THSD4: variants seen among roughly 807,000 people sequenced by gnomAD.
THSD4 encodes thrombospondin type 1 domain containing 4.
In THSD4, 69 loss-of-function variants were observed where a neutral mutation model predicts 119.0. The observed-to-expected ratio is 0.58, with a 90% CI of 0.48 to 0.71. The LOEUF (loss-of-function observed/expected upper bound fraction) is 0.71. Among genes scored for constraint, THSD4 ranks in the 30% least tolerant of loss-of-function variants. THSD4 has a pLI of 0.00. For missense variants in THSD4, 1,393 were observed against 1,391.1 expected, an observed-to-expected ratio of 1.00 and a Z score of -0.02; for synonymous variants, 524 against 540.4, an observed-to-expected ratio of 0.97 and a Z score of 0.42.
In THSD4 at chr15:71,473,153, C is replaced by T. The variant is rs1214267469; in HGVS notation, c.1152+61330C>T. Among the ~76,000 whole-genome samples, 7 of 150,562 alleles carry T rather than the reference C, an allele frequency of 4.6e-5. No homozygotes were observed. The East Asian group carries it at 9.8e-4, about 21-fold the overall frequency. ...CTCACCGCAACCTCTGCCTTGCAGG[C>T]GCAAGCAAATCCTCCTGCCTCAGCC... On this transcript the variant is annotated intron_variant, in intron 7 of 17. Transcript: ENST00000261862.
intron 7 of THSD4, among the ~76,000 whole-genome samples, chr15:71,438,254 T>C (rs182006391): frequency 6.6e-6 from 1 of 152,338 alleles, no homozygotes; most frequent in East Asian, 1.9e-4. Flanking sequence ...AGGAGCTTTT[T>C]ATGCATTAAA....
intron 1 of THSD4, among the ~76,000 whole-genome samples, chr15:71,131,872 G>A (rs1247678031): frequency 2.0e-5 from 3 of 152,170 alleles, no homozygotes; most frequent in Admixed American, 2.0e-4. Context: ...AAGAACCCAG[G>A]TGGAATTCCA....
chr15:71,153,340 C>T (rs1201760785), intron 2 of THSD4, among the ~76,000 whole-genome samples: 4 of 152,180 alleles, frequency 2.6e-5, no homozygotes, highest in African/African-American at 4.8e-5. Context: ...AGGGATGGCG[C>T]GCACCCGCTT....
chr15:71,102,654 T>C (rs937757214), intron 1 of THSD4, among the ~76,000 whole-genome samples: 3 of 152,178 alleles, frequency 2.0e-5, no homozygotes, highest in Non-Finnish European at 4.4e-5. Context: ...AACCTCCACC[T>C]CCCGGATTTA....
chr15:71,517,383 T>A (rs1215180268), intron 7 of THSD4, among the ~76,000 whole-genome samples: 3 of 152,204 alleles, frequency 2.0e-5, no homozygotes, highest in African/African-American at 4.8e-5. Context: ...TTCCTCTTGC[T>A]TCACCTGTGT....
At chr15:71,172,645 A>ATAATGGCAAATAGG (rs1184260681) in intron 3 of THSD4, among the ~76,000 whole-genome samples, 4 of 139,898 alleles carry the variant, frequency 2.9e-5, no homozygotes, top group Non-Finnish European at 6.2e-5. Context: ...AGGCAAATAG[A>ATAATGGCAAATAGG]TAATGGAACA....
At chr15:71,293,249 T>G (rs892511435) in intron 6 of THSD4, among the ~76,000 whole-genome samples, 4 of 152,180 alleles carry the variant, frequency 2.6e-5, no homozygotes, top group African/African-American at 9.7e-5. Flanking sequence ...CTTTTTTTGT[T>G]GGAACCCTGC....
intron 3 of THSD4, among the ~76,000 whole-genome samples, chr15:71,200,648 C>G (rs1309153559): frequency 6.6e-6 from 1 of 152,098 alleles, no homozygotes; most frequent in Non-Finnish European, 1.5e-5. Flanking sequence ...CTTGCAGTAA[C>G]CAAATAGTTT....
intron 3 of THSD4, among the ~76,000 whole-genome samples, chr15:71,164,464 C>A (rs2043272810): frequency 2.0e-5 from 3 of 148,162 alleles, no homozygotes; most frequent in Non-Finnish European, 4.5e-5. Context: ...GATGAAAAAA[C>A]TACCATCCCC....
intron 3 of THSD4, among the ~76,000 whole-genome samples, chr15:71,213,569 C>T (rs1207214317): frequency 3.3e-5 from 5 of 152,146 alleles, no homozygotes; most frequent in African/African-American, 9.7e-5. Flanking sequence ...TGTGTTTTCC[C>T]TTGTCTTCTG....
At chr15:71,389,267 A>G (rs1332318487) in intron 6 of THSD4, among the ~76,000 whole-genome samples, 4 of 152,098 alleles carry the variant, frequency 2.6e-5, no homozygotes, top group Non-Finnish European at 5.9e-5. Flanking sequence ...CTCCATACCC[A>G]TTACACAGAA....
In THSD4 at chr15:71,332,891, C is replaced by CTTTTTTTTT. The variant is rs1184457820; in HGVS notation, c.1015+76176_1015+76177insTTTTTTTTT. On this transcript the variant is annotated intron_variant, in intron 6 of 17. Coordinates refer to ENST00000261862, the MANE Select transcript of THSD4 (RefSeq NM_024817.3). ...TTCTTAAAACATTGAGATTTTTTTA[C>CTTTTTTTTT]ATTTTTTTTTTTTTTTTAGTTCATC... 1.9e-3 allele frequency among the ~76,000 whole-genome samples: 72 copies of CTTTTTTTTT among 38,028 alleles called. 1 individual carries two copies. The highest frequency in any genetic ancestry group is 4.1e-3 in the African/African-American group (55 of 13,572). 24.9% of individuals were successfully genotyped at this position (38,028 alleles called of 152,430 possible).
intron 7 of THSD4, among the ~76,000 whole-genome samples, chr15:71,462,780 C>T (rs577336336): frequency 1.3e-5 from 2 of 152,334 alleles, no homozygotes; most frequent in South Asian, 2.1e-4. Context: ...AGTACAGTCT[C>T]CAAACTAACT....
At chr15:71,318,034 T>C (rs1327501520) in intron 6 of THSD4, among the ~76,000 whole-genome samples, 1 of 152,122 alleles carries the variant, frequency 6.6e-6, no homozygotes, top group Non-Finnish European at 1.5e-5. Flanking sequence ...AGGATGGTGC[T>C]TCTTGCCCAA....
Position 71,737,899 on chromosome 15 carries a change from C to G in THSD4, c.1798C>G (p.His600Asp). 6.2e-7 allele frequency: 1 copy of G among 1,614,264 alleles called. No homozygotes were observed. Among genetic ancestry groups the G allele is most frequent in the East Asian group, 2.2e-5 (1 of 44,884 alleles). The change falls in exon 11 of 18, where the codon CAT (histidine) becomes GAT (aspartate). Residue 600 changes from histidine (H) to aspartate (D), a missense_variant. By Grantham distance (81) the His-to-Asp change is moderately conservative (BLOSUM62 -1). Coordinates refer to ENST00000261862, the MANE Select transcript of THSD4 (RefSeq NM_024817.3). ...PVRHPDRFSPHRPDNLVPPAP... is the reference protein window; with the variant it reads ...PVRHPDRFSPDRPDNLVPPAP... ...CAGGCATCCAGACAGATTTTCTCCCCATCGACCGGACAACTTGGTGCCACC... is the reference window on the plus strand; with the variant it reads ...CAGGCATCCAGACAGATTTTCTCCCGATCGACCGGACAACTTGGTGCCACC...
At chr15:71,104,589 T>TA (rs2040266583) in intron 1 of THSD4, among the ~76,000 whole-genome samples, 1 of 152,196 alleles carries the variant, frequency 6.6e-6, no homozygotes, top group Admixed American at 6.5e-5. Context: ...ACAGTCTCAA[T>TA]AGGTCCTGAG....
chr15:71,391,335 G>A (rs997061115), intron 6 of THSD4, among the ~76,000 whole-genome samples: 6 of 152,090 alleles, frequency 3.9e-5, no homozygotes, highest in African/African-American at 1.4e-4. Context: ...GGCAACTCAT[G>A]CCGGCTAATT....
chr15:71,721,808 C>T (rs917140518), intron 8 of THSD4, among the ~76,000 whole-genome samples: 5 of 151,788 alleles, frequency 3.3e-5, no homozygotes, highest in Non-Finnish European at 7.4e-5. Flanking sequence ...AATATTTGCC[C>T]AGCACCAAGA....
rs1271524973 is a variant in THSD4 at position 71,215,062 on chromosome 15, GC to G, written c.132del (p.Glu45ArgfsTer29). On this transcript the variant is annotated frameshift_variant, in exon 4 of 18. Coordinates refer to ENST00000261862, the MANE Select transcript of THSD4 (RefSeq NM_024817.3). LOFTEE classifies it high-confidence loss of function. ...KVPQRMAAEG[A>X]PEDDGGGGAP... ...CCCGCAGCGGATGGCGGCGGAGGGCGCCCCCGAGGACGACGGCGGCGGCGGC... is the reference window on the plus strand; with the variant it reads ...CCCGCAGCGGATGGCGGCGGAGGGCGCCCCGAGGACGACGGCGGCGGCGGC... The G allele has an allele frequency of 4.6e-6, 6 of 1,293,364 alleles. No homozygotes were observed. Among genetic ancestry groups the G allele is most frequent in the Non-Finnish European group, 5.9e-6 (6 of 1,016,966 alleles). The allele number at this position is 1,293,364 out of a possible 1,614,324, so 80.1% of individuals were successfully genotyped here.
Sources: gnomAD v4.1 joint callset for allele counts (sites outside exome capture counted in the v4.1 genomes callset) on GRCh38, gnomAD v4.1.1 for gene constraint, MANE v1.5 for transcripts, NCBI Gene and HGNC (gene_info 2026-07-23, HGNC 2026-07-21) for gene names.